Variants in PAK6 observed in about 807,000 individuals in gnomAD.
PAK6 encodes the protein p21 (RAC1) activated kinase 6.
PAK6 carries 33 observed loss-of-function variants against 60.8 expected under a neutral mutation model. That is an observed-to-expected ratio of 0.54 (90% CI 0.41 to 0.73). PAK6 has a LOEUF of 0.73. PAK6 is among the 30% of genes least tolerant of loss of function. PAK6 has a pLI of 0.00. For missense variants in PAK6, 845 were observed against 904.1 expected (o/e 0.93, Z 0.84); for synonymous variants, 404 against 378.5 (o/e 1.07, Z -0.78).
intron 3 of PAK6, among the ~76,000 whole-genome samples, chr15:40,256,089 G>GTGGTA (rs2038825915): frequency 6.6e-6 from 1 of 152,244 alleles, no homozygotes; most frequent in African/African-American, 2.4e-5. Flanking sequence ...GCTGGGCACG[G>GTGGTA]TGGTATGCTC....
At chr15:40,241,284 C>A (rs28459035) in intron 2 of PAK6, among the ~76,000 whole-genome samples, 1 of 152,096 alleles carries the variant, frequency 6.6e-6, no homozygotes, top group South Asian at 2.1e-4. Flanking sequence ...AGGCTAACGT[C>A]TTGTGGTCTC....
At chr15:40,254,282 G>A (rs1291461396) in intron 3 of PAK6, among the ~76,000 whole-genome samples, 1 of 152,226 alleles carries the variant, frequency 6.6e-6, no homozygotes, top group African/African-American at 2.4e-5. Context: ...GTTGGGAAGG[G>A]CTAAGCCACT....
intron 5 of PAK6, among the ~76,000 whole-genome samples, chr15:40,269,732 C>T (rs756558583): frequency 6.6e-6 from 1 of 152,240 alleles, no homozygotes; most frequent in Non-Finnish European, 1.5e-5. Context: ...ATGTCCCAGA[C>T]TCTGCTTGTG....
chr15:40,252,809 G>A (rs1205591825), intron 2 of PAK6: 5 of 1,296,026 alleles, frequency 3.9e-6, no homozygotes, highest in Non-Finnish European at 5.1e-6. Flanking sequence ...CCAGGCGAGG[G>A]GCCTTGGGCG....
At chr15:40,244,069 C>T (rs775618576) in intron 2 of PAK6, among the ~76,000 whole-genome samples, 9 of 152,274 alleles carry the variant, frequency 5.9e-5, no homozygotes, top group African/African-American at 9.6e-5. Flanking sequence ...CAGTGGCTCA[C>T]GCCTGTAATC....
intron 3 of PAK6, chr15:40,256,762 T>C (rs1013104778): frequency 1.3e-5 from 2 of 152,208 alleles, no homozygotes; most frequent in Non-Finnish European, 2.9e-5. Context: ...ACAGTACTAG[T>C]GCTACCTCAC....
chr15:40,266,356 G>T (rs1479359879), exon 5 of PAK6: 23 of 1,612,716 alleles, frequency 1.4e-5, no homozygotes, highest in East Asian at 2.2e-5. Context: ...GCCACAGGCA[G>T]GCCAGGTGGG....
chr15:40,252,511 C>T (rs1412710955), intron 2 of PAK6: 3 of 1,363,410 alleles, frequency 2.2e-6, no homozygotes, highest in African/African-American at 1.5e-5. Flanking sequence ...GCTCTGGGTT[C>T]GCCGCCGCGT....
Position 40,243,256 on chromosome 15 carries a change from G to T in PAK6, c.-118+2575G>T, listed in dbSNP as rs572603002. ...CAGCTTCTATCTGCAGTTGCAGGAG[G>T]AGGTGAAGGCTCGGGGAGATAGACC... On this transcript the variant is annotated intron_variant, in intron 2 of 10. Transcript: ENST00000560346. 2.6e-5 allele frequency among the ~76,000 whole-genome samples: 4 copies of T among 152,332 alleles called. No homozygotes were observed. In the South Asian group the frequency reaches 6.2e-4, roughly 24 times the overall value.
rs1335465102 is a variant in PAK6 at position 40,252,658 on chromosome 15, C to G, written c.-117-520C>G. ...GGAGGGCGGGCCCGGCTCCCACGAC[C>G]TCTTCGAGCGTTCCTGGGCTTCCCG... On this transcript the variant is annotated intron_variant, in intron 2 of 10. Transcript: ENST00000560346. The G allele has an allele frequency of 6.1e-6, 8 of 1,321,830 alleles. No homozygotes were observed. In the African/African-American group the frequency reaches 7.5e-5, roughly 12 times the overall value. 81.9% of individuals were successfully genotyped at this position (1,321,830 alleles called of 1,614,324 possible).
At chr15:40,261,678 A>G (rs556819476) in intron 3 of PAK6, among the ~76,000 whole-genome samples, 87 of 152,294 alleles carry the variant, frequency 5.7e-4, no homozygotes, top group African/African-American at 2.0e-3. Context: ...ACCACATTTC[A>G]GATGAGTCCT....
chr15:40,252,386 G>C (rs566276564), intron 2 of PAK6: 1 of 1,328,562 alleles, frequency 7.5e-7, no homozygotes, highest in Non-Finnish European at 9.9e-7. Context: ...CGGAGGCGAA[G>C]GGCGGGCGGG....
intron 2 of PAK6, chr15:40,252,746 C>T: frequency 4.6e-6 from 6 of 1,302,192 alleles, no homozygotes; most frequent in Non-Finnish European, 6.1e-6. Flanking sequence ...CCTCCCAACA[C>T]GCGCAGCCCC....
chr15:40,259,848 G>A (rs1407962462), intron 3 of PAK6: 1 of 149,520 alleles, frequency 6.7e-6, no homozygotes, highest in Non-Finnish European at 1.5e-5. Flanking sequence ...CGTCTTTAAG[G>A]AAAACTTAGA....
intron 2 of PAK6, chr15:40,251,160 A>G (rs2038656662): frequency 6.6e-6 from 1 of 152,562 alleles, no homozygotes; most frequent in African/African-American, 2.4e-5. Flanking sequence ...GGAGGAGGCG[A>G]CAGAGTAAGG....
chr15:40,274,199 T>C, exon 10 of PAK6: 9 of 1,613,452 alleles, frequency 5.6e-6, no homozygotes, highest in Non-Finnish European at 7.6e-6. Flanking sequence ...GGAGCCACCG[T>C]ACTTCAGTGA....
At chr15:40,252,181 TG>T in intron 2 of PAK6, 1 of 912,098 alleles carries the variant, frequency 1.1e-6, no homozygotes, top group Non-Finnish European at 1.4e-6. Context: ...CCAGGATGTG[TG>T]GGTGGGCACA....
chr15:40,255,050 A>C (rs185541352), intron 3 of PAK6, among the ~76,000 whole-genome samples: 2 of 152,150 alleles, frequency 1.3e-5, no homozygotes, highest in African/African-American at 4.8e-5. Flanking sequence ...AAAAAAGGCA[A>C]TCTTGTGATT....
chr15:40,258,285 A>G (rs1323858987), intron 3 of PAK6, among the ~76,000 whole-genome samples: 2 of 152,178 alleles, frequency 1.3e-5, no homozygotes, highest in African/African-American at 2.4e-5. Context: ...TTCTGTTCAT[A>G]AAGACCTCCA....
Sources: allele counts gnomAD v4.1 joint callset (sites outside exome capture counted in the v4.1 genomes callset), GRCh38; gene constraint gnomAD v4.1.1; transcripts MANE v1.5; gene names NCBI Gene and HGNC (gene_info 2026-07-23, HGNC 2026-07-21).